The following ARIH1 variants were observed in gnomAD, a reference collection of about 807,000 sequenced individuals.
The protein encoded by ARIH1 is ariadne RBR E3 ubiquitin protein ligase 1.
Under a neutral mutation model 85.0 loss-of-function variants are expected in ARIH1, and 8 were observed. That is an observed-to-expected ratio of 0.09 (90% confidence interval 0.06 to 0.17). The LOEUF is 0.17. Among genes scored for constraint, ARIH1 ranks in the 10% least tolerant of loss-of-function variants. The probability of loss-of-function intolerance (pLI) is 1.00; values close to 1 mark genes in which losing one functional copy is unlikely to be tolerated. For missense variants in ARIH1, 311 were observed against 718.1 expected, an observed-to-expected ratio of 0.43 and a Z score of 6.48; for synonymous variants, 238 against 253.6, an observed-to-expected ratio of 0.94 and a Z score of 0.59.
intron 11 of ARIH1, among the ~76,000 whole-genome samples, chr15:72,576,974 T>A (rs2064274194): frequency 6.6e-6 from 1 of 151,966 alleles, no homozygotes; most frequent in Non-Finnish European, 1.5e-5. Flanking sequence ...TTTATTATAC[T>A]GTGTGCTTTT....
At chr15:72,550,650 T>C (rs1177858958) in intron 3 of ARIH1, among the ~76,000 whole-genome samples, 1 of 152,162 alleles carries the variant, frequency 6.6e-6, no homozygotes, top group Non-Finnish European at 1.5e-5. Context: ...GTAAACCTAA[T>C]TGCAGGACTG....
At chr15:72,522,951 C>T (rs989139190) in intron 2 of ARIH1, among the ~76,000 whole-genome samples, 4 of 152,186 alleles carry the variant, frequency 2.6e-5, no homozygotes, top group African/African-American at 9.7e-5. Context: ...GATACCAGTA[C>T]ATACCTATTA....
At chr15:72,568,032 C>G (rs186059700) in intron 9 of ARIH1, among the ~76,000 whole-genome samples, 1 of 152,164 alleles carries the variant, frequency 6.6e-6, no homozygotes, top group Non-Finnish European at 1.5e-5. Context: ...ATCTTACATA[C>G]TTATATATAA....
In ARIH1 at chr15:72,597,168, G is replaced by T. The variant is rs1162049882; in HGVS notation, c.*13876G>T. On this transcript the variant is annotated 3_prime_UTR_variant, in exon 14 of 14. Coordinates refer to ENST00000379887, the MANE Select transcript of ARIH1 (RefSeq NM_005744.5). ...ACTTCCAAAACAGAGCATGCCCTTT[G>T]TTTTTTTTTCAGGCCACTTGAATGG... 2.7e-5 allele frequency: 4 copies of T among 149,748 alleles called. No individual in the cohort carries two copies. Among genetic ancestry groups the T allele is most frequent in the East Asian group, 1.9e-4 (1 of 5,134 alleles). 9.3% of individuals were successfully genotyped at this position (149,748 alleles called of 1,614,324 possible).
chr15:72,514,777 G>C (rs1445789971), intron 1 of ARIH1, among the ~76,000 whole-genome samples: 1 of 151,990 alleles, frequency 6.6e-6, no homozygotes, highest in Non-Finnish European at 1.5e-5. Context: ...AGGCCAAGGT[G>C]GGTGGATCAT....
rs1156578849 is a variant in ARIH1, at chr15:72,601,750, AG to A, written c.*18460del. On this transcript the variant is annotated 3_prime_UTR_variant, in exon 14 of 14. Coordinates refer to ENST00000379887, the MANE Select transcript of ARIH1 (RefSeq NM_005744.5). ...CTTTCTTAGTCGCTATTATTGGAGTAGGTAATACATCCATATAGTACAAAAT... is the reference window on the plus strand; with the variant it reads ...CTTTCTTAGTCGCTATTATTGGAGTAGTAATACATCCATATAGTACAAAAT... 1 of 152,218 alleles carries A rather than the reference AG, an allele frequency of 6.6e-6. No individual in the cohort carries two copies. Among genetic ancestry groups the A allele is most frequent in the Non-Finnish European group, 1.5e-5 (1 of 68,038 alleles). 9.4% of individuals were successfully genotyped at this position (152,218 alleles called of 1,614,324 possible).
chr15:72,475,159 G>A (rs1014456265), intron 1 of ARIH1, 145 bp downstream of exon 1: 2 of 1,379,106 alleles, frequency 1.5e-6, no homozygotes, highest in Non-Finnish European at 1.9e-6. Context: ...TGCCTCTGCT[G>A]GGGATAGAGG....
At chr15:72,536,133 A>G (rs1436287650) in intron 2 of ARIH1, among the ~76,000 whole-genome samples, 1 of 152,228 alleles carries the variant, frequency 6.6e-6, no homozygotes, top group East Asian at 1.9e-4. Flanking sequence ...TGTGGCTGGA[A>G]CACCCTGTGA....
At chr15:72,483,436 G>C (rs573052139) in intron 1 of ARIH1, among the ~76,000 whole-genome samples, 1 of 152,186 alleles carries the variant, frequency 6.6e-6, no homozygotes, top group Non-Finnish European at 1.5e-5. Context: ...TCTATTTGTT[G>C]TAAGTGAATA....
intron 3 of ARIH1, among the ~76,000 whole-genome samples, chr15:72,553,707 C>T (rs2064162455): frequency 6.6e-6 from 1 of 152,170 alleles, no homozygotes. Context: ...ATCACGAGGT[C>T]AGGAGTTGGA....
chr15:72,513,628 C>T (rs75881649), intron 1 of ARIH1, among the ~76,000 whole-genome samples: 1 of 151,724 alleles, frequency 6.6e-6, no homozygotes, highest in African/African-American at 2.4e-5. Flanking sequence ...TCCCTTCCAC[C>T]CAAAGAATTT....
chr15:72,544,315 T>G (rs1049288509), intron 2 of ARIH1, among the ~76,000 whole-genome samples: 5 of 152,194 alleles, frequency 3.3e-5, no homozygotes, highest in Admixed American at 2.0e-4. Flanking sequence ...GAAGCTAATA[T>G]GTTTAAATTG....
chr15:72,521,236 G>T (rs1272362564), intron 2 of ARIH1, among the ~76,000 whole-genome samples: 1 of 102,304 alleles, frequency 9.8e-6, no homozygotes, highest in African/African-American at 4.0e-5. Flanking sequence ...TTCGCTTTTT[G>T]CATACCACTA....
intron 1 of ARIH1, among the ~76,000 whole-genome samples, chr15:72,482,751 T>C (rs2063821219): frequency 1.3e-5 from 2 of 152,016 alleles, no homozygotes. Context: ...GTCACAATTC[T>C]GGATGCAGCT....
intron 10 of ARIH1, among the ~76,000 whole-genome samples, chr15:72,571,661 A>G (rs945606003): frequency 7.2e-5 from 11 of 152,222 alleles, no homozygotes; most frequent in Admixed American, 2.6e-4. Context: ...AAGAGCAGAT[A>G]AGGTGAATAA....
intron 1 of ARIH1, among the ~76,000 whole-genome samples, chr15:72,494,253 A>G (rs1309574273): frequency 1.3e-5 from 2 of 152,208 alleles, no homozygotes; most frequent in African/African-American, 4.8e-5. Context: ...ACTCTTTAAG[A>G]AATAATGTAT....
intron 3 of ARIH1, among the ~76,000 whole-genome samples, chr15:72,549,173 C>T (rs1284407014): frequency 1.3e-5 from 2 of 151,490 alleles, no homozygotes; most frequent in African/African-American, 4.8e-5. Flanking sequence ...CTGCAACCTC[C>T]ACCCCGCAGT....
Position 72,518,142 on chromosome 15 carries a change from A to G in ARIH1, c.443+8A>G. The G allele has an allele frequency of 6.3e-7, 1 of 1,597,230 alleles. No homozygotes were observed. The highest frequency in any genetic ancestry group is 1.1e-5 in the South Asian group (1 of 90,308). ...AGAGAAGCTAATGGAAAGGTAAGGA[A>G]CTATATTGTCAGCTTTGTACTTAGA... On this transcript the variant is annotated splice_region_variant and intron_variant, in intron 2 of 13. Coordinates refer to ENST00000379887, the MANE Select transcript of ARIH1 (RefSeq NM_005744.5).
rs775316269 is a variant in ARIH1, at chr15:72,544,914, T to A, written c.538T>A (p.Ser180Thr). The A allele has an allele frequency of 1.9e-5, 30 of 1,613,268 alleles. No individual in the cohort carries two copies. Among genetic ancestry groups the A allele is most frequent in the Admixed American group, 3.3e-5 (2 of 59,984 alleles). Residue 180 changes from serine (S) to threonine (T), a missense_variant, in exon 3 of 14, where the codon TCA becomes ACA. Transcript: ENST00000379887. The stretch of plus-strand genomic sequence containing the variant: ...AACACGCCAGATGAATACAAGGTCA[T>A]CAGCACAGGATATGCCTTGTCAGAT... ...SRTRQMNTRSSAQDMPCQICY... is the reference protein window; with the variant it reads ...SRTRQMNTRSTAQDMPCQICY...
Sources: allele counts gnomAD v4.1 joint callset (sites outside exome capture counted in the v4.1 genomes callset), GRCh38; gene constraint gnomAD v4.1.1; transcripts MANE v1.5; gene names NCBI Gene and HGNC (gene_info 2026-07-23, HGNC 2026-07-21).